The following HEMK2 variants were observed in gnomAD, a reference collection of about 807,000 sequenced individuals.
HEMK2 encodes the protein HemK methyltransferase 2, ETF1 glutamine and histone H4 lysine.
the HEMK2 span, among the ~76,000 whole-genome samples, chr21:28,611,232 TCAACTC>T: frequency 6.6e-6 from 1 of 152,078 alleles, no homozygotes; most frequent in Non-Finnish European, 1.5e-5. Context: ...AAATTGGAAA[TCAACTC>T]CAAAAGGAAC....
chr21:28,695,500 A>G, the HEMK2 span, among the ~76,000 whole-genome samples: 3 of 152,152 alleles, frequency 2.0e-5, no homozygotes, highest in Non-Finnish European at 4.4e-5. Flanking sequence ...ATGAGGAACA[A>G]AGTCATGTCT....
the HEMK2 span, chr21:28,874,829 A>G: frequency 6.6e-6 from 1 of 152,266 alleles, no homozygotes; most frequent in Non-Finnish European, 1.5e-5. Context: ...ACCACTGGCC[A>G]CGGCCTATGA....
chr21:28,788,199 C>T, the HEMK2 span, among the ~76,000 whole-genome samples: 6 of 147,198 alleles, frequency 4.1e-5, no homozygotes, highest in Admixed American at 6.8e-5. Context: ...TACGTATATA[C>T]GTATATATAC....
the HEMK2 span, among the ~76,000 whole-genome samples, chr21:28,708,473 G>C: frequency 6.6e-6 from 1 of 152,082 alleles, no homozygotes; most frequent in Non-Finnish European, 1.5e-5. Flanking sequence ...ATAATCCCAG[G>C]GATGAAAGGA....
At chr21:28,783,052 A>G in the HEMK2 span, among the ~76,000 whole-genome samples, 1 of 152,224 alleles carries the variant, frequency 6.6e-6, no homozygotes, top group African/African-American at 2.4e-5. Context: ...GCTTGGGAAC[A>G]GAAGTATTTT....
chr21:28,659,475 G>C, the HEMK2 span, among the ~76,000 whole-genome samples: 1 of 152,006 alleles, frequency 6.6e-6, no homozygotes, highest in Non-Finnish European at 1.5e-5. Context: ...CATTTTAAAA[G>C]TGCCAAAAGA....
chr21:28,645,602 C>G, the HEMK2 span, among the ~76,000 whole-genome samples: 4 of 152,070 alleles, frequency 2.6e-5, no homozygotes, highest in Admixed American at 2.0e-4. Flanking sequence ...TTGTTATGGT[C>G]TGAATGCTTG....
chr21:28,883,754 C>T, the HEMK2 span, among the ~76,000 whole-genome samples: 1 of 152,142 alleles, frequency 6.6e-6, no homozygotes, highest in Non-Finnish European at 1.5e-5. Flanking sequence ...GGCTCTTGCT[C>T]TGTCACCTAG....
the HEMK2 span, among the ~76,000 whole-genome samples, chr21:28,829,238 G>A: frequency 3.3e-5 from 5 of 152,288 alleles, no homozygotes; most frequent in Non-Finnish European, 7.4e-5. Context: ...CATTACCCAA[G>A]TCTTGTTAGT....
chr21:28,578,017 C>A, the HEMK2 span, among the ~76,000 whole-genome samples: 1 of 152,194 alleles, frequency 6.6e-6, no homozygotes, highest in Non-Finnish European at 1.5e-5. Flanking sequence ...GATTGTATCA[C>A]ACCCCTTCCA....
the HEMK2 span, among the ~76,000 whole-genome samples, chr21:28,588,296 G>A: frequency 1.3e-5 from 2 of 152,136 alleles, no homozygotes; most frequent in East Asian, 3.9e-4. Context: ...TTCATTTAGT[G>A]GAAACTGTCA....
chr21:28,797,737 A>T, the HEMK2 span, among the ~76,000 whole-genome samples: 3 of 152,340 alleles, frequency 2.0e-5, no homozygotes, highest in African/African-American at 7.2e-5. Context: ...ATAAAACCCA[A>T]CATCATAATA....
At chr21:28,655,100 G>A in the HEMK2 span, among the ~76,000 whole-genome samples, 5 of 151,966 alleles carry the variant, frequency 3.3e-5, no homozygotes. Context: ...AAAATTACAT[G>A]TGTTCTCAAA....
At chr21:28,809,502 C>A in the HEMK2 span, among the ~76,000 whole-genome samples, 3 of 152,110 alleles carry the variant, frequency 2.0e-5, no homozygotes, top group Non-Finnish European at 1.5e-5. Flanking sequence ...GCTAACAGTT[C>A]ATGTAAGAGC....
chr21:28,747,124 G>A, the HEMK2 span, among the ~76,000 whole-genome samples: 1 of 152,194 alleles, frequency 6.6e-6, no homozygotes, highest in Non-Finnish European at 1.5e-5. Context: ...GGAGTCTACA[G>A]GTGTACCTGA....
At chr21:28,757,765 G>A in the HEMK2 span, among the ~76,000 whole-genome samples, 2 of 152,122 alleles carry the variant, frequency 1.3e-5, no homozygotes, top group African/African-American at 4.8e-5. Context: ...AAGCGTAGAC[G>A]TAAGGCCAAG....
chr21:28,721,957 T>C, the HEMK2 span, among the ~76,000 whole-genome samples: 1 of 146,908 alleles, frequency 6.8e-6, no homozygotes, highest in Non-Finnish European at 1.5e-5. Flanking sequence ...TTTGATGCAA[T>C]CATCAAACCC....
chr21:28,596,216 A>C, the HEMK2 span, among the ~76,000 whole-genome samples: 1 of 152,038 alleles, frequency 6.6e-6, no homozygotes, highest in Non-Finnish European at 1.5e-5. Flanking sequence ...ACAGGGTTTC[A>C]TGGTGTTAGC....
At chr21:28,882,058 G>A in the HEMK2 span, 3 of 793,444 alleles carry the variant, frequency 3.8e-6, no homozygotes, top group East Asian at 3.0e-5. Context: ...ATGGTATACT[G>A]CTTAGTGGGT....
Sources: allele counts gnomAD v4.1 joint callset (sites outside exome capture counted in the v4.1 genomes callset), GRCh38; gene constraint gnomAD v4.1.1; transcripts MANE v1.5; gene names NCBI Gene and HGNC (gene_info 2026-07-23, HGNC 2026-07-21).